CNTNAP2: variants seen among roughly 807,000 people sequenced by gnomAD.
The protein encoded by CNTNAP2 is contactin-associated protein-like 2.
Under a neutral mutation model 155.2 loss-of-function variants are expected in CNTNAP2, and 98 were observed. That is an observed-to-expected ratio of 0.63 (90% CI 0.54 to 0.75). The LOEUF is 0.75. CNTNAP2 is among the 30% of genes least tolerant of loss of function. The pLI, the probability that CNTNAP2 is intolerant of heterozygous loss-of-function variation, is 0.00. For missense variants in CNTNAP2, 1,727 were observed against 1,688.1 expected, an observed-to-expected ratio of 1.02 and a Z score of -0.40; for synonymous variants, 651 against 631.2, an observed-to-expected ratio of 1.03 and a Z score of -0.47.
chr7:147,994,369 C>CA (rs71527864), intron 15 of CNTNAP2, among the ~76,000 whole-genome samples: 42,869 of 132,130 alleles, frequency 0.32, 8,869 homozygotes, highest in African/African-American at 0.62. Context: ...AGACCTGTCT[C>CA]AAAAAAAAAA....
chr7:147,584,393 G>A (rs1023031760), intron 12 of CNTNAP2, among the ~76,000 whole-genome samples: 7 of 151,954 alleles, frequency 4.6e-5, no homozygotes, highest in African/African-American at 1.5e-4. Context: ...TTTTCAAGGC[G>A]GGCAAATCTT....
At chr7:146,569,220 G>A (rs367937008) in intron 1 of CNTNAP2, among the ~76,000 whole-genome samples, 4 of 152,152 alleles carry the variant, frequency 2.6e-5, no homozygotes, top group Non-Finnish European at 5.9e-5. Context: ...GTTTCACCGC[G>A]TTAGCCAGGA....
intron 1 of CNTNAP2, among the ~76,000 whole-genome samples, chr7:146,706,065 C>A (rs548231654): frequency 1.3e-5 from 2 of 151,982 alleles, no homozygotes; most frequent in East Asian, 1.9e-4. Flanking sequence ...AGGAAGATTG[C>A]CCACATGCGT....
At position 147,166,142 on chromosome 7, in the gene CNTNAP2, A is replaced by G. The variant is rs35431816; in HGVS notation, c.1348+33633A>G. Among the ~76,000 whole-genome samples, 1,322 of 152,300 alleles carry G rather than the reference A, an allele frequency of 8.7e-3. 3 individuals are homozygous for G. Among genetic ancestry groups the G allele is most frequent in the Non-Finnish European group, 0.014 (966 of 68,034 alleles). ...ATGGAACCAGCCCAAATGACCATCA[A>G]TCAATGAGTGTGTAAAGAAATTATG... On this transcript the variant is annotated intron_variant, in intron 8 of 23. Transcript: ENST00000361727.
chr7:146,706,073 C>T (rs1477470684), intron 1 of CNTNAP2, among the ~76,000 whole-genome samples: 4 of 152,016 alleles, frequency 2.6e-5, no homozygotes, highest in Non-Finnish European at 4.4e-5. Context: ...TGCCCACATG[C>T]GTGGACTCTA....
intron 9 of CNTNAP2, among the ~76,000 whole-genome samples, chr7:147,325,055 G>A (rs1212936479): frequency 2.0e-5 from 3 of 152,164 alleles, no homozygotes; most frequent in African/African-American, 7.2e-5. Context: ...TGTAATCCCA[G>A]CACTTTGGAG....
At chr7:147,581,062 G>T (rs1239409620) in intron 12 of CNTNAP2, among the ~76,000 whole-genome samples, 1 of 152,178 alleles carries the variant, frequency 6.6e-6, no homozygotes, top group Non-Finnish European at 1.5e-5. Context: ...GGAAGTAGGT[G>T]GTACTATTAC....
chr7:147,462,231 C>G (rs1380469906), intron 10 of CNTNAP2, among the ~76,000 whole-genome samples: 1 of 152,186 alleles, frequency 6.6e-6, no homozygotes, highest in African/African-American at 2.4e-5. Flanking sequence ...GTATGCCCCA[C>G]AGTATCCTGC....
intron 11 of CNTNAP2, among the ~76,000 whole-genome samples, chr7:147,508,425 C>A (rs756166304): frequency 7.9e-5 from 12 of 152,292 alleles, no homozygotes; most frequent in Non-Finnish European, 1.6e-4. Flanking sequence ...TGTATCCCAT[C>A]TTCCTCTTCA....
At chr7:146,727,336 A>G (rs80004963) in intron 1 of CNTNAP2, among the ~76,000 whole-genome samples, 1 of 152,216 alleles carries the variant, frequency 6.6e-6, no homozygotes, top group Admixed American at 6.5e-5. Flanking sequence ...ATATAAATGC[A>G]CATACTAATG....
At position 148,218,586 on chromosome 7, in the gene CNTNAP2, G is replaced by T. The variant is rs1019326371; in HGVS notation, c.3247+1062G>T. Among the ~76,000 whole-genome samples, 42 of 151,976 alleles carry T rather than the reference G, an allele frequency of 2.8e-4. 1 individual carries two copies. Among genetic ancestry groups the T allele is most frequent in the African/African-American group, 8.7e-4 (36 of 41,348 alleles). ...TTTTTAATTATTTGTAGAGTTGGGG[G>T]TCTCACGATGTTGCCAGGCCTGGTC... On this transcript the variant is annotated intron_variant, in intron 19 of 23. Transcript: ENST00000361727.
chr7:148,338,880 T>C (rs1798171138), intron 21 of CNTNAP2, among the ~76,000 whole-genome samples: 1 of 151,918 alleles, frequency 6.6e-6, no homozygotes, highest in African/African-American at 2.4e-5. Flanking sequence ...AAAACCACCA[T>C]CAGAAACTGA....
chr7:146,466,582 T>C (rs1038088207), intron 1 of CNTNAP2, among the ~76,000 whole-genome samples: 16 of 152,038 alleles, frequency 1.1e-4, no homozygotes, highest in African/African-American at 3.6e-4. Context: ...CTTTATTCAT[T>C]TGGACAGCTT....
chr7:146,998,936 AT>A (rs566993536), intron 3 of CNTNAP2, among the ~76,000 whole-genome samples: 3 of 151,822 alleles, frequency 2.0e-5, no homozygotes, highest in African/African-American at 7.2e-5. Flanking sequence ...TAATTGAGTC[AT>A]TTTTTTAAAT....
chr7:146,398,197 T>TTG (rs2129107734), intron 1 of CNTNAP2, among the ~76,000 whole-genome samples: 1 of 149,910 alleles, frequency 6.7e-6, no homozygotes, highest in Admixed American at 6.6e-5. Flanking sequence ...TTTTTTTTTT[T>TTG]TTTTTTTTTA....
intron 15 of CNTNAP2, among the ~76,000 whole-genome samples, chr7:148,097,061 A>G (rs1292023495): frequency 2.6e-5 from 4 of 152,140 alleles, no homozygotes; most frequent in Admixed American, 6.6e-5. Flanking sequence ...CTAAAGATCA[A>G]TTGTTCATCG....
chr7:146,953,186 A>G (rs1414761233), intron 3 of CNTNAP2, among the ~76,000 whole-genome samples: 1 of 152,026 alleles, frequency 6.6e-6, no homozygotes, highest in Admixed American at 6.6e-5. Context: ...ATGGAGAAAA[A>G]GAGCCATATA....
chr7:147,007,985 C>T (rs563189668), intron 3 of CNTNAP2, among the ~76,000 whole-genome samples: 1 of 152,224 alleles, frequency 6.6e-6, no homozygotes, highest in South Asian at 2.1e-4. Context: ...TTTCCTGTTT[C>T]TTGTTAAAAT....
At chr7:146,545,724 C>T (rs191289953) in intron 1 of CNTNAP2, among the ~76,000 whole-genome samples, 113 of 151,994 alleles carry the variant, frequency 7.4e-4, no homozygotes, top group African/African-American at 2.7e-3. Context: ...TGCTTTTACA[C>T]TGCTGGGAGT....
Sources: allele counts gnomAD v4.1 joint callset (sites outside exome capture counted in the v4.1 genomes callset), GRCh38; gene constraint gnomAD v4.1.1; transcripts MANE v1.5; gene names NCBI Gene and HGNC (gene_info 2026-07-23, HGNC 2026-07-21).